The following CLSTN2 variants were observed in gnomAD, a reference collection of about 807,000 sequenced individuals.
CLSTN2 encodes the protein calsyntenin 2, also known as calsyntenin-2.
In CLSTN2, 48 loss-of-function variants were observed where a neutral mutation model predicts 101.2. The ratio of observed to expected loss-of-function variants is 0.47; its 90% confidence interval spans 0.38 to 0.60. The LOEUF (loss-of-function observed/expected upper bound fraction) is 0.60, where lower values mean the gene tolerates loss of function less well. Ranked by LOEUF, CLSTN2 falls within the 20% of genes least tolerant of loss-of-function variation. The pLI, the probability that CLSTN2 is intolerant of heterozygous loss-of-function variation, is 0.00. For missense variants in CLSTN2, 1,160 were observed against 1,238.2 expected, an observed-to-expected ratio of 0.94 and a Z score of 0.95; for synonymous variants, 481 against 463.6, an observed-to-expected ratio of 1.04 and a Z score of -0.48.
rs780570091 is a variant in CLSTN2 at position 140,105,892 on chromosome 3, G to A, written c.110-70059G>A. On this transcript the variant is annotated intron_variant, in intron 1 of 16. Transcript: ENST00000458420. ...CCCTCTCTGAGCAGAAGTCACACTC[G>A]GTGACCTAAGAGGTGATGGGGCCTG... is the stretch of plus-strand genomic sequence containing the variant. 5.3e-5 allele frequency among the ~76,000 whole-genome samples: 8 copies of A among 152,164 alleles called. No homozygotes were observed. In the East Asian group the frequency reaches 9.6e-4, roughly 18 times the overall value.
chr3:140,553,570 T>C (rs1935746968), intron 10 of CLSTN2, among the ~76,000 whole-genome samples: 1 of 152,166 alleles, frequency 6.6e-6, no homozygotes, highest in Non-Finnish European at 1.5e-5. Context: ...CAGTAACATA[T>C]GATCCCCAAA....
rs143176750 is a variant in CLSTN2 at position 139,943,468 on chromosome 3, G to A, written c.109+7985G>A. ...CACCCTCCACGCTAAGGTCTGTAAG[G>A]TTTTTAAGAATAGCTTAACACTCTG... On this transcript the variant is annotated intron_variant, in intron 1 of 16. Transcript: ENST00000458420. Among the ~76,000 whole-genome samples, 23 of 152,230 alleles carry A rather than the reference G, an allele frequency of 1.5e-4. No homozygotes were observed. The East Asian group carries it at 3.7e-3, about 24-fold the overall frequency.
At chr3:140,140,738 A>G (rs2009683571) in intron 1 of CLSTN2, among the ~76,000 whole-genome samples, 2 of 152,216 alleles carry the variant, frequency 1.3e-5, no homozygotes, top group Non-Finnish European at 2.9e-5. Flanking sequence ...AAGTAACTTG[A>G]TGAGGGACAC....
At chr3:140,135,929 A>T (rs576920728) in intron 1 of CLSTN2, among the ~76,000 whole-genome samples, 1 of 152,132 alleles carries the variant, frequency 6.6e-6, no homozygotes, top group Non-Finnish European at 1.5e-5. Flanking sequence ...TGCTTAGGAG[A>T]TTTAGATCTC....
At chr3:140,519,375 TTG>T (rs1934981863) in intron 8 of CLSTN2, among the ~76,000 whole-genome samples, 1 of 152,226 alleles carries the variant, frequency 6.6e-6, no homozygotes, top group African/African-American at 2.4e-5. Flanking sequence ...CTGAATATCT[TTG>T]TTAATTTTCT....
chr3:140,538,388 A>ATAGACAG (rs1369266943), intron 9 of CLSTN2, among the ~76,000 whole-genome samples: 6 of 152,228 alleles, frequency 3.9e-5, no homozygotes, highest in Non-Finnish European at 8.8e-5. Flanking sequence ...GAGCCTGTAA[A>ATAGACAG]TAGACAGATG....
At chr3:140,277,233 T>C (rs1050772076) in intron 2 of CLSTN2, among the ~76,000 whole-genome samples, 8 of 152,188 alleles carry the variant, frequency 5.3e-5, no homozygotes, top group Non-Finnish European at 2.9e-5. Flanking sequence ...AACCATTTCA[T>C]TGTCTGTGGA....
At chr3:140,558,959 T>C (rs964828667) in intron 12 of CLSTN2, 102 bp downstream of exon 12, 2 of 858,392 alleles carry the variant, frequency 2.3e-6, no homozygotes, top group East Asian at 2.6e-5. Context: ...AATGTATACA[T>C]GGCTTAAATG....
At position 140,516,255 on chromosome 3, in the gene CLSTN2, C is replaced by A. The variant is rs1001858540; in HGVS notation, c.1345-16069C>A. Among the ~76,000 whole-genome samples, 3 of 152,254 alleles carry A rather than the reference C, an allele frequency of 2.0e-5. No homozygotes were observed. In the East Asian group the frequency reaches 5.8e-4, roughly 29 times the overall value. The stretch of plus-strand genomic sequence containing the variant: ...TGTTATGTGAGTTCCTTAAAGACAG[C>A]AGCTACTTGGTTGGTGAATTTTTAT... On this transcript the variant is annotated intron_variant, in intron 8 of 16. Coordinates refer to ENST00000458420, the MANE Select transcript of CLSTN2 (RefSeq NM_022131.3).
intron 1 of CLSTN2, among the ~76,000 whole-genome samples, chr3:140,156,879 A>C (rs2009962887): frequency 6.6e-6 from 1 of 152,050 alleles, no homozygotes; most frequent in Non-Finnish European, 1.5e-5. Context: ...AATTTTTCTT[A>C]ATAAAATCCT....
intron 1 of CLSTN2, among the ~76,000 whole-genome samples, chr3:140,092,602 T>C (rs2008797780): frequency 6.6e-6 from 1 of 152,148 alleles, no homozygotes; most frequent in Non-Finnish European, 1.5e-5. Flanking sequence ...GCCGGGCTGG[T>C]GCATGAGCCT....
intron 2 of CLSTN2, among the ~76,000 whole-genome samples, chr3:140,318,398 C>G (rs1251908056): frequency 6.6e-6 from 1 of 152,072 alleles, no homozygotes; most frequent in Non-Finnish European, 1.5e-5. Context: ...GCAGGTAGAT[C>G]AGGAATTTGG....
chr3:139,982,332 A>G (rs977224147), intron 1 of CLSTN2, among the ~76,000 whole-genome samples: 2 of 151,662 alleles, frequency 1.3e-5, no homozygotes, highest in Non-Finnish European at 2.9e-5. Flanking sequence ...ATACTTGTGA[A>G]TGATAGTATA....
chr3:140,562,726 T>C (rs868195950), intron 13 of CLSTN2, 85 bp from the exon 14 acceptor site: 1 of 1,449,634 alleles, frequency 6.9e-7, no homozygotes, highest in Middle Eastern at 2.5e-4. Flanking sequence ...CATGAGGTCT[T>C]GTACCACAAG....
intron 10 of CLSTN2, among the ~76,000 whole-genome samples, chr3:140,553,715 G>C (rs2107789984): frequency 6.6e-6 from 1 of 152,276 alleles, no homozygotes; most frequent in South Asian, 2.1e-4. Flanking sequence ...GCATCTTTCA[G>C]GATCTTTCAC....
rs1431763179 is a variant in CLSTN2, at chr3:140,568,529, G to T, written c.*2276G>T. On this transcript the variant is annotated 3_prime_UTR_variant, in exon 17 of 17. Coordinates refer to ENST00000458420, the MANE Select transcript of CLSTN2 (RefSeq NM_022131.3). The stretch of plus-strand genomic sequence containing the variant: ...TACATCCACAAGAGGAAAGTCTATA[G>T]GACTGATTAGTTTTCACAATCCCAT... 6.6e-6 allele frequency: 1 copy of T among 152,110 alleles called. No individual in the cohort carries two copies. Among genetic ancestry groups the T allele is most frequent in the African/African-American group, 2.4e-5 (1 of 41,408 alleles). The allele number at this position is 152,110 out of a possible 1,614,324, so 9.4% of individuals were successfully genotyped here.
chr3:140,220,526 A>G (rs2086258312), intron 2 of CLSTN2, among the ~76,000 whole-genome samples: 1 of 152,232 alleles, frequency 6.6e-6, no homozygotes, highest in African/African-American at 2.4e-5. Context: ...TGGGCAGCAT[A>G]GCAAGCACAT....
intron 1 of CLSTN2, among the ~76,000 whole-genome samples, chr3:140,001,517 G>C (rs140557873): frequency 6.6e-6 from 1 of 151,658 alleles, no homozygotes; most frequent in Non-Finnish European, 1.5e-5. Context: ...ATGTATTTAT[G>C]GGGTTCATGA....
At chr3:140,183,505 ATACTC>A (rs1224204276) in intron 2 of CLSTN2, among the ~76,000 whole-genome samples, 1 of 152,222 alleles carries the variant, frequency 6.6e-6, no homozygotes, top group African/African-American at 2.4e-5. Flanking sequence ...GTTAATGACA[ATACTC>A]TACTAAAACA....
Sources: gnomAD v4.1 joint callset for allele counts (sites outside exome capture counted in the v4.1 genomes callset) on GRCh38, gnomAD v4.1.1 for gene constraint, MANE v1.5 for transcripts, NCBI Gene and HGNC (gene_info 2026-07-23, HGNC 2026-07-21) for gene names.